Variants in AFAP1L2 observed in about 807,000 individuals in gnomAD.
AFAP1L2 encodes actin filament-associated protein 1-like 2.
A neutral mutation model predicts 99.3 loss-of-function variants in AFAP1L2; 46 were observed. The observed-to-expected ratio is 0.46, with a 90% CI of 0.37 to 0.59. The LOEUF is 0.59. Among genes scored for constraint, AFAP1L2 ranks in the 20% least tolerant of loss-of-function variants. The pLI is 0.00. For missense variants in AFAP1L2, 959 were observed against 1,034.9 expected (o/e 0.93, Z 1.01); for synonymous variants, 397 against 419.1 (o/e 0.95, Z 0.64).
downstream of AFAP1L2, among the ~76,000 whole-genome samples, chr10:114,294,220 A>G (rs927946866): frequency 2.0e-5 from 3 of 152,204 alleles, no homozygotes; most frequent in Admixed American, 6.5e-5. Flanking sequence ...ATCTGTGTCC[A>G]ACAATGAGAT....
the AFAP1L2 span, among the ~76,000 whole-genome samples, chr10:114,288,485 TG>T: frequency 1.3e-5 from 2 of 152,188 alleles, no homozygotes; most frequent in Non-Finnish European, 2.9e-5. Flanking sequence ...CCAAACCCCA[TG>T]GGTTACATAA....
At chr10:114,292,714 C>CT (rs912666567), downstream of AFAP1L2, among the ~76,000 whole-genome samples, 7 of 151,318 alleles carry the variant, frequency 4.6e-5, no homozygotes, top group South Asian at 2.1e-4. Context: ...TATCGTTTTT[C>CT]TTTTTTTTGA....
chr10:114,315,541 C>T lies in AFAP1L2; in HGVS notation c.612+19G>A, dbSNP rs370980288. ...CAAGGAGAGGAGTCGGGGGACAAGA[C>T]GACGTAAGGCAGACTGACCAGAAGC... On this transcript the variant is annotated intron_variant, in intron 6 of 18. Coordinates refer to ENST00000304129, the MANE Select transcript of AFAP1L2 (RefSeq NM_001001936.3). 4.2e-5 allele frequency: 68 copies of T among 1,612,480 alleles called. No individual in the cohort carries two copies. Among genetic ancestry groups the T allele is most frequent in the East Asian group, 4.0e-4 (18 of 44,828 alleles).
At chr10:114,291,629 G>C (rs751501794), downstream of AFAP1L2, 8 of 195,068 alleles carry the variant, frequency 4.1e-5, no homozygotes, top group Non-Finnish European at 6.4e-5. Flanking sequence ...ATCAATGCTC[G>C]CCAGAATGTT....
rs2048652818 is a variant in AFAP1L2, at chr10:114,340,475, A to G, written c.145+128T>C. ...CCTTGATGTTAGACTTCTGGCCTCC[A>G]GAAGTGTGAGAAAATAAGTGTCATT... On this transcript the variant is annotated intron_variant, in intron 2 of 18. Coordinates refer to ENST00000304129, the MANE Select transcript of AFAP1L2 (RefSeq NM_001001936.3). The G allele has an allele frequency of 3.0e-6, 4 of 1,315,588 alleles. No individual in the cohort carries two copies. The Admixed American group carries it at 6.9e-5, about 23-fold the overall frequency. The allele number at this position is 1,315,588 out of a possible 1,614,324, so 81.5% of individuals were successfully genotyped here.
At chr10:114,335,335 G>T (rs548846283) in intron 2 of AFAP1L2, among the ~76,000 whole-genome samples, 1 of 151,846 alleles carries the variant, frequency 6.6e-6, no homozygotes, top group African/African-American at 2.4e-5. Flanking sequence ...ACATATGGCC[G>T]GGCACGGTGG....
At chr10:114,393,500 C>A (rs1391850107) in intron 1 of AFAP1L2, 2 of 152,164 alleles carry the variant, frequency 1.3e-5, no homozygotes, top group East Asian at 3.9e-4. Flanking sequence ...GTCAGAAAAG[C>A]AAAAATCCAC....
At chr10:114,289,923 T>C (rs1395106780), downstream of AFAP1L2, 3 of 292,458 alleles carry the variant, frequency 1.0e-5, no homozygotes, top group Non-Finnish European at 1.9e-5. Flanking sequence ...ACCCGGGAGG[T>C]GGAGGTTGTG....
intron 1 of AFAP1L2, among the ~76,000 whole-genome samples, chr10:114,360,509 T>TAGTTA (rs61366681): frequency 9.3e-6 from 1 of 107,366 alleles, no homozygotes; most frequent in Non-Finnish European, 2.0e-5. Flanking sequence ...AGATAGATAG[T>TAGTTA]TAGATAGATA....
chr10:114,355,382 G>A (rs962469946), intron 1 of AFAP1L2, among the ~76,000 whole-genome samples: 1 of 151,826 alleles, frequency 6.6e-6, no homozygotes. Context: ...ATAGGCGTGA[G>A]CCACCACGCC....
At chr10:114,299,785 CAGA>C (rs1404030063) in intron 15 of AFAP1L2, among the ~76,000 whole-genome samples, 1 of 152,210 alleles carries the variant, frequency 6.6e-6, no homozygotes, top group Non-Finnish European at 1.5e-5. Flanking sequence ...ATAAAGCAGG[CAGA>C]AGAACATGGA....
At chr10:114,313,715 T>C (rs745556218) in intron 7 of AFAP1L2, among the ~76,000 whole-genome samples, 156 bp downstream of exon 7, 13 of 152,206 alleles carry the variant, frequency 8.5e-5, no homozygotes, top group Non-Finnish European at 1.6e-4. Context: ...TGTAACCCAT[T>C]TGCAGAAGAC....
chr10:114,401,023 G>T (rs2058181349), intron 1 of AFAP1L2, among the ~76,000 whole-genome samples: 1 of 152,154 alleles, frequency 6.6e-6, no homozygotes, highest in Non-Finnish European at 1.5e-5. Context: ...CCTGACCACA[G>T]ATCTCAGGAT....
At chr10:114,296,315 GATGCTTGC>G (rs1188694694) in intron 18 of AFAP1L2, 3 of 531,254 alleles carry the variant, frequency 5.6e-6, no homozygotes, top group Non-Finnish European at 1.0e-5. Flanking sequence ...TGGAGGTTCA[GATGCTTGC>G]ATGGATTTAT....
At chr10:114,322,666 G>C (rs988497007) in intron 5 of AFAP1L2, among the ~76,000 whole-genome samples, 1 of 152,154 alleles carries the variant, frequency 6.6e-6, no homozygotes, top group African/African-American at 2.4e-5. Flanking sequence ...TTTGTTGTCT[G>C]TTTTCTCTCA....
intron 1 of AFAP1L2, among the ~76,000 whole-genome samples, chr10:114,399,333 C>G (rs1031096978): frequency 3.3e-5 from 5 of 152,144 alleles, no homozygotes; most frequent in African/African-American, 1.2e-4. Flanking sequence ...CAGTGGGAGT[C>G]AGGGGAGGCT....
At chr10:114,378,846 T>C (rs2055171770) in intron 1 of AFAP1L2, among the ~76,000 whole-genome samples, 1 of 152,118 alleles carries the variant, frequency 6.6e-6, no homozygotes, top group Admixed American at 6.6e-5. Flanking sequence ...TCCACCACAG[T>C]GATGTCTAAG....
chr10:114,285,939 C>T, the AFAP1L2 span: 1 of 1,588,700 alleles, frequency 6.3e-7, no homozygotes, highest in South Asian at 1.1e-5. Flanking sequence ...ATCCCCGCAG[C>T]CCTGAAGCTG....
intron 1 of AFAP1L2, among the ~76,000 whole-genome samples, chr10:114,382,425 G>A (rs1428732171): frequency 6.6e-6 from 1 of 152,116 alleles, no homozygotes; most frequent in Non-Finnish European, 1.5e-5. Context: ...TGGACATAGA[G>A]AATAGAGTGA....
Sources: gnomAD v4.1 joint callset for allele counts (sites outside exome capture counted in the v4.1 genomes callset) on GRCh38, gnomAD v4.1.1 for gene constraint, MANE v1.5 for transcripts, NCBI Gene and HGNC (gene_info 2026-07-23, HGNC 2026-07-21) for gene names.